Variants in RERE observed in about 807,000 individuals in gnomAD.
RERE encodes arginine-glutamic acid dipeptide repeats protein.
Under a neutral mutation model 146.1 loss-of-function variants are expected in RERE, and 40 were observed. The observed-to-expected ratio is 0.27, with a 90% CI of 0.21 to 0.36. The LOEUF (loss-of-function observed/expected upper bound fraction) is 0.36, where lower values mean the gene tolerates loss of function less well. Ranked by LOEUF, RERE falls within the 10% of genes least tolerant of loss-of-function variation. The probability of loss-of-function intolerance (pLI) is 1.00; values close to 1 mark genes in which losing one functional copy is unlikely to be tolerated. For synonymous variants in RERE, 1,003 were observed against 866.0 expected (o/e 1.16, Z -2.78); for missense variants, 1,933 against 2,138.7 (o/e 0.90, Z 1.90).
At chr1:8,392,306 A>G (rs967168109) in intron 12 of RERE, among the ~76,000 whole-genome samples, 1 of 152,236 alleles carries the variant, frequency 6.6e-6, no homozygotes, top group Non-Finnish European at 1.5e-5. Context: ...TAAACAAAAT[A>G]CACAATTGAA....
intron 1 of RERE, among the ~76,000 whole-genome samples, chr1:8,746,401 T>C (rs1640421642): frequency 1.3e-5 from 2 of 152,146 alleles, no homozygotes; most frequent in African/African-American, 4.8e-5. Context: ...TGTTCAAGAA[T>C]GGACCCATGT....
intron 8 of RERE, among the ~76,000 whole-genome samples, chr1:8,504,327 T>C (rs1570357610): frequency 6.6e-6 from 1 of 152,132 alleles, no homozygotes; most frequent in Non-Finnish European, 1.5e-5. Context: ...CAAAAACCAC[T>C]GGGATTAAGT....
At chr1:8,614,055 C>T (rs1646822190) in intron 4 of RERE, among the ~76,000 whole-genome samples, 1 of 152,174 alleles carries the variant, frequency 6.6e-6, no homozygotes, top group Admixed American at 6.5e-5. Flanking sequence ...AGTATAGCTA[C>T]AGCCCGACCC....
At chr1:8,694,396 A>G (rs1436012719) in intron 1 of RERE, among the ~76,000 whole-genome samples, 2 of 152,192 alleles carry the variant, frequency 1.3e-5, no homozygotes, top group East Asian at 3.8e-4. Flanking sequence ...AAGAAAGAAA[A>G]TAACTAGGAA....
intron 4 of RERE, among the ~76,000 whole-genome samples, chr1:8,608,991 G>T (rs1332296201): frequency 6.6e-6 from 1 of 152,112 alleles, no homozygotes; most frequent in Non-Finnish European, 1.5e-5. Context: ...GGCCGAGGCA[G>T]GAGATCACCT....
chr1:8,654,273 T>C (rs1647800781), intron 2 of RERE, among the ~76,000 whole-genome samples: 1 of 151,538 alleles, frequency 6.6e-6, no homozygotes, highest in Non-Finnish European at 1.5e-5. Context: ...ACTCAAGCAA[T>C]CCTCCCGCCG....
chr1:8,708,755 C>T (rs1400862367), intron 1 of RERE, among the ~76,000 whole-genome samples: 3 of 152,108 alleles, frequency 2.0e-5, no homozygotes, highest in African/African-American at 7.2e-5. Context: ...ACTGTGAGTC[C>T]ACTAAACCTC....
intron 3 of RERE, among the ~76,000 whole-genome samples, 199 bp from the exon 4 acceptor site, chr1:8,614,885 CG>C (rs1557436341): frequency 6.6e-6 from 1 of 152,164 alleles, no homozygotes; most frequent in Non-Finnish European, 1.5e-5. Flanking sequence ...TGTGAACAAA[CG>C]TATGACCCTT....
At chr1:8,429,997 G>C (rs1202592983) in intron 11 of RERE, 1 of 152,166 alleles carries the variant, frequency 6.6e-6, no homozygotes, top group African/African-American at 2.4e-5. Flanking sequence ...GGTGAAAAAA[G>C]GGAACATGGA....
chr1:8,646,445 C>A (rs1647311433), intron 2 of RERE, among the ~76,000 whole-genome samples: 1 of 151,926 alleles, frequency 6.6e-6, no homozygotes, highest in Non-Finnish European at 1.5e-5. Flanking sequence ...GGCAGGAGGA[C>A]CACTTGAGCT....
chr1:8,405,806 T>A (rs1407636285), intron 12 of RERE, among the ~76,000 whole-genome samples: 2 of 152,072 alleles, frequency 1.3e-5, no homozygotes, highest in African/African-American at 4.8e-5. Flanking sequence ...GCCCAGCTAA[T>A]TTTTGTATTT....
intron 19 of RERE, among the ~76,000 whole-genome samples, chr1:8,359,375 G>A (rs926383025): frequency 6.6e-6 from 1 of 152,202 alleles, no homozygotes; most frequent in Non-Finnish European, 1.5e-5. Context: ...AGCTGGAGAG[G>A]CCCCTCGCAG....
At chr1:8,421,879 C>A (rs897928612) in intron 12 of RERE, among the ~76,000 whole-genome samples, 2 of 152,178 alleles carry the variant, frequency 1.3e-5, no homozygotes, top group Admixed American at 6.5e-5. Context: ...GTTAATGAGT[C>A]CTCCCTTCGC....
At chr1:8,498,732 T>TATATACAC (rs150497092) in intron 8 of RERE, among the ~76,000 whole-genome samples, 4 of 107,834 alleles carry the variant, frequency 3.7e-5, no homozygotes, top group South Asian at 3.2e-4. Context: ...AATAAATATA[T>TATATACAC]ACACACACAC....
At chr1:8,663,541 A>C (rs1638501730) in intron 1 of RERE, among the ~76,000 whole-genome samples, 1 of 152,084 alleles carries the variant, frequency 6.6e-6, no homozygotes, top group African/African-American at 2.4e-5. Context: ...ACTGCTTTCT[A>C]ACAGATCTTT....
At chr1:8,468,727 T>A (rs893018863) in intron 10 of RERE, among the ~76,000 whole-genome samples, 2 of 151,934 alleles carry the variant, frequency 1.3e-5, no homozygotes, top group Non-Finnish European at 2.9e-5. Context: ...CTACTAAAAA[T>A]TTAAGAAATT....
chr1:8,801,807 C>T (rs1641596394), intron 1 of RERE, among the ~76,000 whole-genome samples: 2 of 152,190 alleles, frequency 1.3e-5, no homozygotes, highest in South Asian at 2.1e-4. Flanking sequence ...TATACACATA[C>T]TTGTACAATA....
intron 8 of RERE, among the ~76,000 whole-genome samples, chr1:8,504,397 C>T (rs74050205): frequency 0.018 from 2,779 of 152,116 alleles, 91 homozygotes; most frequent in African/African-American, 0.062. Flanking sequence ...TTTTAATCAT[C>T]AATAAGAACT....
At chr1:8,482,585 G>C (rs1195043250) in intron 10 of RERE, among the ~76,000 whole-genome samples, 2 of 150,656 alleles carry the variant, frequency 1.3e-5, no homozygotes, top group African/African-American at 4.9e-5. Context: ...GGGAGGCTGA[G>C]GCAGGAGAAT....
Sources: allele counts gnomAD v4.1 joint callset (sites outside exome capture counted in the v4.1 genomes callset), GRCh38; gene constraint gnomAD v4.1.1; transcripts MANE v1.5; gene names NCBI Gene and HGNC (gene_info 2026-07-23, HGNC 2026-07-21).